Variants in IWS1 observed in about 807,000 individuals in gnomAD.
IWS1 encodes the protein interacts with SUPT6H, CTD assembly factor 1.
IWS1 carries 27 observed loss-of-function variants against 86.7 expected under a neutral mutation model. That is an observed-to-expected ratio of 0.31 (90% CI 0.23 to 0.43). The LOEUF is 0.43. Ranked by LOEUF, IWS1 falls within the 20% of genes least tolerant of loss-of-function variation. The pLI is 1.00. For missense variants in IWS1, 827 were observed against 1,000.8 expected, an observed-to-expected ratio of 0.83 and a Z score of 2.34; for synonymous variants, 313 against 335.1, an observed-to-expected ratio of 0.93 and a Z score of 0.72.
At chr2:127,524,819 T>C (rs887221684) in intron 1 of IWS1, among the ~76,000 whole-genome samples, 1 of 152,026 alleles carries the variant, frequency 6.6e-6, no homozygotes, top group African/African-American at 2.4e-5. Context: ...AAAAAGTAAC[T>C]TAAAAACACA....
chr2:127,500,632 C>A (rs334146), intron 5 of IWS1, among the ~76,000 whole-genome samples: 132,501 of 152,156 alleles, frequency 0.87, 57,958 homozygotes, highest in East Asian at 1. Context: ...AATCTCTTGA[C>A]ATCAGTATAT....
intron 2 of IWS1, among the ~76,000 whole-genome samples, chr2:127,521,446 C>G (rs1209650925): frequency 6.6e-6 from 1 of 152,152 alleles, no homozygotes; most frequent in African/African-American, 2.4e-5. Context: ...AGTGCCTCAA[C>G]TTATTATGGG....
At chr2:127,503,244 C>A (rs189163160) in intron 4 of IWS1, 143 bp downstream of exon 4, 1 of 601,800 alleles carries the variant, frequency 1.7e-6, no homozygotes, top group African/African-American at 1.8e-5. Flanking sequence ...GATTCACCCA[C>A]ATTGTAGTGT....
intron 9 of IWS1, among the ~76,000 whole-genome samples, chr2:127,492,313 G>A (rs991008875): frequency 6.6e-6 from 1 of 152,220 alleles, no homozygotes; most frequent in Non-Finnish European, 1.5e-5. Context: ...GGGAGGCTGA[G>A]GCGGGTGGAT....
intron 2 of IWS1, among the ~76,000 whole-genome samples, chr2:127,515,723 A>C (rs1041625161): frequency 6.6e-6 from 1 of 152,168 alleles, no homozygotes; most frequent in African/African-American, 2.4e-5. Context: ...CGCCTACACA[A>C]ATTCCACAAG....
rs765205122 is a variant in IWS1, at chr2:127,526,420, T to TGGCG, written c.-216_-213dup. 100 of 1,536,178 alleles carry TGGCG rather than the reference T, an allele frequency of 6.5e-5. No individual in the cohort carries two copies. Among genetic ancestry groups the TGGCG allele is most frequent in the Non-Finnish European group, 8.4e-5 (96 of 1,145,150 alleles). The stretch of plus-strand genomic sequence containing the variant: ...GCGGAAAAGGCCGTACCCGGCAGGC[T>TGGCG]GGCGGGCGGGCAGGCATGCGAGCCG... On this transcript the variant is annotated 5_prime_UTR_variant, in exon 1 of 14. The change abolishes the stop of an existing upstream ORF in the 5' untranslated region. Coordinates refer to ENST00000295321, the MANE Select transcript of IWS1 (RefSeq NM_017969.3).
At chr2:127,506,420 C>T (rs141353946) in intron 2 of IWS1, among the ~76,000 whole-genome samples, 17 of 151,932 alleles carry the variant, frequency 1.1e-4, no homozygotes, top group Non-Finnish European at 2.2e-4. Flanking sequence ...GAAATACAAG[C>T]AAACATGTAA....
Position 127,493,836 on chromosome 2 carries a change from CAAA to C in IWS1, c.1800-429_1800-427del, listed in dbSNP as rs35810945. Among the ~76,000 whole-genome samples, 538 of 92,994 alleles carry C rather than the reference CAAA, an allele frequency of 5.8e-3. 4 individuals carry two copies. Among genetic ancestry groups the C allele is most frequent in the African/African-American group, 0.018 (500 of 27,036 alleles). The allele number at this position is 92,994 out of a possible 152,430, so 61.0% of individuals were successfully genotyped here. A position where few individuals can be genotyped will look rare whatever the true frequency, so the allele number is the denominator to read the frequency against. On this transcript the variant is annotated intron_variant, in intron 8 of 13. Coordinates refer to ENST00000295321, the MANE Select transcript of IWS1 (RefSeq NM_017969.3). The stretch of plus-strand genomic sequence containing the variant: ...TGAGACTAGCACTCCACTGGCAGGA[CAAA>C]AAAAAAAAAAAAAAACTCAATAAAA...
At chr2:127,487,031 T>C (rs536830329) in intron 12 of IWS1, among the ~76,000 whole-genome samples, 1 of 152,332 alleles carries the variant, frequency 6.6e-6, no homozygotes, top group Admixed American at 6.5e-5. Context: ...TGAGTTCACT[T>C]GTGAGATGAG....
Position 127,502,876 on chromosome 2 carries a change from G to C in IWS1, c.1410-4C>G, listed in dbSNP as rs1690893420. The C allele has an allele frequency of 6.7e-7, 1 of 1,500,286 alleles. No homozygotes were observed. Among genetic ancestry groups the C allele is most frequent in the African/African-American group, 1.4e-5 (1 of 72,528 alleles). The allele number at this position is 1,500,286 out of a possible 1,614,324, so 92.9% of individuals were successfully genotyped here. On this transcript the variant is annotated splice_region_variant and splice_polypyrimidine_tract_variant and intron_variant, in intron 4 of 13. Coordinates refer to ENST00000295321, the MANE Select transcript of IWS1 (RefSeq NM_017969.3). Reference sequence around the variant, plus strand: ...AAATATGTCTGCAATAAGATTTCTAGAAAGTAGACAAATGTAAAAACATTC... The same window carrying C: ...AAATATGTCTGCAATAAGATTTCTACAAAGTAGACAAATGTAAAAACATTC...
At chr2:127,493,845 A>G (rs2104672904) in intron 8 of IWS1, among the ~76,000 whole-genome samples, 1 of 152,054 alleles carries the variant, frequency 6.6e-6, no homozygotes, top group South Asian at 2.1e-4. Flanking sequence ...ACAAAAAAAA[A>G]AAAAAAAAAC....
intron 6 of IWS1, among the ~76,000 whole-genome samples, chr2:127,497,501 C>A (rs1690576497): frequency 1.3e-5 from 2 of 152,168 alleles, no homozygotes; most frequent in South Asian, 4.1e-4. Context: ...CGCCTCAAAC[C>A]TTTATGGCTT....
intron 13 of IWS1, among the ~76,000 whole-genome samples, chr2:127,483,571 C>CGGGGGGGGGGGGGGG (rs1419283644): frequency 6.0e-4 from 12 of 20,164 alleles, no homozygotes; most frequent in Admixed American, 2.2e-3. Context: ...ATAATTTGGT[C>CGGGGGGGGGGGGGGG]GGGGCGGGGG....
chr2:127,489,889 C>A lies in IWS1; in HGVS notation c.2102G>T (p.Arg701Ile), dbSNP rs1690132002. The A allele has an allele frequency of 1.2e-6, 2 of 1,613,166 alleles. No individual in the cohort carries two copies. The highest frequency in any genetic ancestry group is 1.7e-6 in the Non-Finnish European group (2 of 1,179,146). ...GLTSNYKGMT[R>I]EEREQRDLEQ... ...TAGATCTCTCTGCTCCCTTTCTTCT[C>A]TTGTCATTCCTTTGTAGTTTGAGGT... The change falls in exon 11 of 14, where the codon AGA becomes ATA. Residue 701 changes from arginine to isoleucine, a missense_variant. Arg to Ile is a moderately conservative substitution (Grantham distance 97, BLOSUM62 -3). This residue lies in a region of IWS1 where 279 missense variants were observed against 440.6 expected (regional missense o/e 0.63). Coordinates refer to ENST00000295321, the MANE Select transcript of IWS1 (RefSeq NM_017969.3). The surrounding 1 kb of genome is among the most constrained non-coding windows in gnomAD (Gnocchi z 4.8).
chr2:127,482,434 T>C (rs1307572047), intron 13 of IWS1: 2 of 152,228 alleles, frequency 1.3e-5, no homozygotes, highest in Non-Finnish European at 2.9e-5. Flanking sequence ...GCATAAAAAG[T>C]GTCAGATGAG....
At chr2:127,494,816 T>C (rs755734294) in intron 8 of IWS1, 56 bp downstream of exon 8, 22 of 1,009,530 alleles carry the variant, frequency 2.2e-5, no homozygotes, top group Non-Finnish European at 3.2e-5. Context: ...GTACATCATT[T>C]GAATTATCAT....
At chr2:127,498,107 T>A in intron 6 of IWS1, 33 bp downstream of exon 6, 3 of 1,503,396 alleles carry the variant, frequency 2.0e-6, no homozygotes, top group Non-Finnish European at 2.8e-6. Context: ...TTTTTAAACT[T>A]CTCTTTAACA....
At chr2:127,482,907 T>C (rs1356942421) in intron 13 of IWS1, 2 of 152,164 alleles carry the variant, frequency 1.3e-5, no homozygotes, top group Non-Finnish European at 2.9e-5. Flanking sequence ...GCTTCAATTA[T>C]GGTACAACTG....
intron 13 of IWS1, among the ~76,000 whole-genome samples, chr2:127,485,267 A>C (rs1689870100): frequency 6.6e-6 from 1 of 152,190 alleles, no homozygotes; most frequent in Admixed American, 6.5e-5. Context: ...CTGCCAAAGC[A>C]GGGGTCATGG....
Sources: allele counts gnomAD v4.1 joint callset (sites outside exome capture counted in the v4.1 genomes callset), GRCh38; gene constraint gnomAD v4.1.1; regional missense constraint gnomAD v4.1.1; non-coding constraint Gnocchi (gnomAD v3.1); transcripts MANE v1.5; gene names NCBI Gene and HGNC (gene_info 2026-07-23, HGNC 2026-07-21).